The following PLXNB1 variants were observed in gnomAD, a reference collection of about 807,000 sequenced individuals.
PLXNB1 encodes plexin-B1.
A neutral mutation model predicts 209.4 loss-of-function variants in PLXNB1; 106 were observed. The ratio of observed to expected loss-of-function variants is 0.51; its 90% CI spans 0.43 to 0.59. The LOEUF (loss-of-function observed/expected upper bound fraction) is 0.59. Among genes scored for constraint, PLXNB1 ranks in the 20% least tolerant of loss-of-function variants. PLXNB1 has a pLI of 0.00. For missense variants in PLXNB1, 2,357 were observed against 2,853.2 expected (o/e 0.83, Z 3.96); for synonymous variants, 1,167 against 1,183.2 (o/e 0.99, Z 0.28).
chr3:48,424,103 C>T lies in PLXNB1; in HGVS notation c.509G>A (p.Arg170Gln). ...CCCCACACCCCTGCTGGTGTATCCTCGCCCCACAAACAGGAGGGGCTCCCC... is the reference window on the plus strand; with the variant it reads ...CCCCACACCCCTGCTGGTGTATCCTTGCCCCACAAACAGGAGGGGCTCCCC... Reference protein sequence around the residue: ...LAGEPLLFVGRGYTSRGVGGG... With the variant: ...LAGEPLLFVGQGYTSRGVGGG... The change falls in exon 3 of 38, where the codon CGA becomes CAA. Residue 170 changes from arginine to glutamine, a missense_variant. Coordinates refer to ENST00000296440, the MANE Select transcript of PLXNB1 (RefSeq NM_001130082.3). The T allele has an allele frequency of 3.9e-6, 6 of 1,557,866 alleles. No individual in the cohort carries two copies. Among genetic ancestry groups the T allele is most frequent in the East Asian group, 2.4e-5 (1 of 41,980 alleles).
rs202143727 is a variant in PLXNB1, at chr3:48,423,604, C to T, written c.1008G>A (p.Thr336=). The change falls in exon 3 of 38, where the codon ACG becomes ACA. Residue 336 remains threonine (T), a synonymous_variant. Transcript: ENST00000296440. ...CCTCCCGGGTGTAGCAGGCATCTCG[C>T]GTGCGATTAGCAAGCCGGTCCACCT... ...LDEVDRLANR[T]RDACYTREGR... is the part of the protein sequence containing the mutation. The T allele has an allele frequency of 1.1e-4, 172 of 1,614,224 alleles. No individual in the cohort carries two copies. The highest frequency in any genetic ancestry group is 1.4e-4 in the Non-Finnish European group (160 of 1,180,046).
intron 5 of PLXNB1, 46 bp downstream of exon 5, chr3:48,422,284 AG>A: frequency 6.2e-7 from 1 of 1,611,196 alleles, no homozygotes; most frequent in Non-Finnish European, 8.5e-7. Context: ...GGCCCCACCC[AG>A]AGGCCCCTCC....
intron 5 of PLXNB1, 48 bp from the exon 6 acceptor site, chr3:48,422,253 C>T: frequency 6.2e-7 from 1 of 1,610,896 alleles, no homozygotes; most frequent in Non-Finnish European, 8.5e-7. Flanking sequence ...ACACCAGTGG[C>T]TCACCCACAA....
In PLXNB1 at chr3:48,418,413, TACC is replaced by T; in HGVS notation, c.3049+33_3049+35del. 6.2e-7 allele frequency: 1 copy of T among 1,612,658 alleles called. No individual in the cohort carries two copies. ...AGAGGCAGGCCTGGGAGAGCCCTGC[TACC>T]ACCGCCAGCCCAGCAGCCCGCAGGT... is the stretch of plus-strand genomic sequence containing the variant. On this transcript the variant is annotated intron_variant, in intron 14 of 37. Transcript: ENST00000296440. The surrounding 1 kb of genome is among the most constrained non-coding windows in gnomAD (Gnocchi z 6.6).
Position 48,417,597 on chromosome 3 carries a change from C to T in PLXNB1, c.3374+314G>A, listed in dbSNP as rs1486722068. Among the ~76,000 whole-genome samples, 1 of 152,206 alleles carries T rather than the reference C, an allele frequency of 6.6e-6. No individual in the cohort carries two copies. Among genetic ancestry groups the T allele is most frequent in the Non-Finnish European group, 1.5e-5 (1 of 68,040 alleles). The stretch of plus-strand genomic sequence containing the variant: ...AGCTTATCTGTCTGATCTGAGGGTC[C>T]TGCTGCCACAGCTATTAATATATCC... On this transcript the variant is annotated intron_variant, in intron 16 of 37. Transcript: ENST00000296440. The surrounding 1 kb of genome is among the most constrained non-coding windows in gnomAD (Gnocchi z 4.4).
Position 48,412,475 on chromosome 3 carries a change from T to C in PLXNB1, c.5000A>G (p.Tyr1667Cys), listed in dbSNP as rs373843466. 32 of 1,613,540 alleles carry C rather than the reference T, an allele frequency of 2.0e-5. No individual in the cohort carries two copies. Among genetic ancestry groups the C allele is most frequent in the African/African-American group, 2.7e-5 (2 of 74,946 alleles). Residue 1667 changes from tyrosine to cysteine, a missense_variant, in exon 26 of 38, where the codon TAT becomes TGT. This residue lies in a region of PLXNB1 where 65 missense variants were observed against 127.6 expected (regional missense o/e 0.51). Transcript: ENST00000296440. Reference protein sequence around the residue: ...RTLLSDLVAQYVAKNPKLMLR... With the variant: ...RTLLSDLVAQCVAKNPKLMLR... Reference sequence around the variant, plus strand: ...CATCAGCTTGGGGTTCTTGGCCACATACTGGGCAACCAGGTCACTGAGCAG... The same window carrying C: ...CATCAGCTTGGGGTTCTTGGCCACACACTGGGCAACCAGGTCACTGAGCAG...
Position 48,404,172 on chromosome 3 carries a change from C to A in PLXNB1, c.*314G>T. 1 of 328,204 alleles carries A rather than the reference C, an allele frequency of 3.0e-6. No homozygotes were observed. The highest frequency in any genetic ancestry group is 5.6e-6 in the Non-Finnish European group (1 of 178,074). 20.3% of individuals were successfully genotyped at this position (328,204 alleles called of 1,614,324 possible). A position where few individuals can be genotyped will look rare whatever the true frequency, so the allele number is the denominator to read the frequency against. On this transcript the variant is annotated 3_prime_UTR_variant, in exon 38 of 38. Coordinates refer to ENST00000296440, the MANE Select transcript of PLXNB1 (RefSeq NM_001130082.3). ...CCAAGGCCAGTGTTCAGGAACAGTA[C>A]AGTCTCCCCAGGGGCCTGGAGTCTC...
At position 48,418,569 on chromosome 3, in the gene PLXNB1, T is replaced by C. The variant is rs373378939; in HGVS notation, c.2956-27A>G. The stretch of plus-strand genomic sequence containing the variant: ...TGGAGAAATGGGAGTGGGTTCAGAG[T>C]CAAGCACTGGGGGAAGTGTCAGGCC... On this transcript the variant is annotated intron_variant, in intron 13 of 37. Coordinates refer to ENST00000296440, the MANE Select transcript of PLXNB1 (RefSeq NM_001130082.3). The surrounding 1 kb of genome is among the most constrained non-coding windows in gnomAD (Gnocchi z 6.6). 4.4e-4 allele frequency: 680 copies of C among 1,548,596 alleles called. No homozygotes were observed. The highest frequency in any genetic ancestry group is 5.4e-4 in the Non-Finnish European group (616 of 1,140,254).
intron 1 of PLXNB1, among the ~76,000 whole-genome samples, chr3:48,425,766 G>A (rs2038854075): frequency 6.6e-6 from 1 of 151,720 alleles, no homozygotes; most frequent in African/African-American, 2.4e-5. Flanking sequence ...CGCACAGCAA[G>A]ATACATACAC....
chr3:48,415,037 T>C lies in PLXNB1; in HGVS notation c.3971A>G (p.Glu1324Gly). The C allele has an allele frequency of 6.2e-7, 1 of 1,612,262 alleles. No individual in the cohort carries two copies. The highest frequency in any genetic ancestry group is 8.5e-7 in the Non-Finnish European group (1 of 1,179,092). ...GGAGGAGTTGACATGGCACGGCTCCTCAAACTGGAAGGAAGACAGGCAGGT... is the reference window on the plus strand; with the variant it reads ...GGAGGAGTTGACATGGCACGGCTCCCCAAACTGGAAGGAAGACAGGCAGGT... ...LGPSCSSQQFEEPCHVNSSQL... is the reference protein window; with the variant it reads ...LGPSCSSQQFGEPCHVNSSQL... Residue 1324 changes from glutamate (E) to glycine (G), a missense_variant, in exon 21 of 38, where the codon GAG (glutamate) becomes GGG (glycine). Glu to Gly is a moderately conservative substitution (Grantham distance 98). Transcript: ENST00000296440. This position sits in a 1 kb window ranked among gnomAD's most constrained non-coding sequence, Gnocchi z 5.0.
In PLXNB1 at chr3:48,413,001, CA is replaced by C; in HGVS notation, c.4637-43del. On this transcript the variant is annotated intron_variant, in intron 24 of 37. Coordinates refer to ENST00000296440, the MANE Select transcript of PLXNB1 (RefSeq NM_001130082.3). The surrounding 1 kb of genome is among the most constrained non-coding windows in gnomAD (Gnocchi z 5.4). ...GCCAGGTTAAGCACCTGTTAAGCAC[CA>C]ATCCCGTGTGATGGGAGTGGGTTTG... 1 of 1,609,268 alleles carries C rather than the reference CA, an allele frequency of 6.2e-7. No individual in the cohort carries two copies. The highest frequency in any genetic ancestry group is 8.5e-7 in the Non-Finnish European group (1 of 1,175,598).
chr3:48,423,539 T>C lies in PLXNB1; in HGVS notation c.1073A>G (p.Tyr358Cys). 6.2e-7 allele frequency: 1 copy of C among 1,614,134 alleles called. No individual in the cohort carries two copies. Among genetic ancestry groups the C allele is most frequent in the Non-Finnish European group, 8.5e-7 (1 of 1,179,988 alleles). ...EDGTEVAYIEYDVNSDCAQLP... is the reference protein window; with the variant it reads ...EDGTEVAYIECDVNSDCAQLP... ...CTGTGCACAGTCAGAATTGACATCA[T>C]ACTCGATGTAGGCCACCTCGGTCCC... is the stretch of plus-strand genomic sequence containing the variant. The change falls in exon 3 of 38, where the codon TAT becomes TGT. Residue 358 changes from tyrosine to cysteine, a missense_variant. By Grantham distance (194) the Tyr-to-Cys change is radical (BLOSUM62 -2). This residue lies in a region of PLXNB1 where 404 missense variants were observed against 443.6 expected (regional missense o/e 0.91). Transcript: ENST00000296440.
At chr3:48,407,385 C>T (rs1412958156) in intron 34 of PLXNB1, among the ~76,000 whole-genome samples, 3 of 152,128 alleles carry the variant, frequency 2.0e-5, no homozygotes, top group Admixed American at 2.0e-4. Context: ...GAGCCCGGTA[C>T]GTAGGGCAGG....
In PLXNB1 at chr3:48,421,680, C is replaced by T. The variant is rs144121242; in HGVS notation, c.1647G>A (p.Thr549=). 6.4e-5 allele frequency: 102 copies of T among 1,600,422 alleles called. 1 individual carries two copies. In the African/African-American group the frequency reaches 1.2e-3, roughly 19 times the overall value. Residue 549 remains threonine (T), a synonymous_variant, in exon 7 of 38, where the codon ACG becomes ACA. Transcript: ENST00000296440. ...MSPANISREE[T]REVFLSVPDL... ...TGCCTATCTGATCATTCACCTCCCTCGTCTCCTCTCGGCTGATGTTGGCAG... is the reference window on the plus strand; with the variant it reads ...TGCCTATCTGATCATTCACCTCCCTTGTCTCCTCTCGGCTGATGTTGGCAG...
At position 48,422,400 on chromosome 3, in the gene PLXNB1, C is replaced by G. The variant is rs778344895; in HGVS notation, c.1350G>C (p.Gly450=). The G allele has an allele frequency of 5.0e-6, 8 of 1,605,470 alleles. No homozygotes were observed. The highest frequency in any genetic ancestry group is 1.3e-5 in the African/African-American group (1 of 74,830). ...AGGTGAGGTCTCTGCTCACTGCAGACCCCTGCTGGATGCTCTGTGTGGAGT... is the reference window on the plus strand; with the variant it reads ...AGGTGAGGTCTCTGCTCACTGCAGAGCCCTGCTGGATGCTCTGTGTGGAGT... The part of the protein sequence containing the change: ...HPYSTQSIQQ[G]SAVSRDLTFD... The change falls in exon 5 of 38, where the codon GGG becomes GGC. Residue 450 remains glycine (G), a synonymous_variant. Coordinates refer to ENST00000296440, the MANE Select transcript of PLXNB1 (RefSeq NM_001130082.3).
rs2037361846 is a variant in PLXNB1 at position 48,407,108 on chromosome 3, G to A, written c.6088-17C>T. 1 of 1,610,778 alleles carries A rather than the reference G, an allele frequency of 6.2e-7. No homozygotes were observed. The highest frequency in any genetic ancestry group is 8.5e-7 in the Non-Finnish European group (1 of 1,177,016). On this transcript the variant is annotated splice_polypyrimidine_tract_variant and intron_variant, in intron 34 of 37. Transcript: ENST00000296440. ...CGGGGAGTCCTGGACATAGCAGGAGGACAGCAAAAGAGGAAGGAAGGAAGG... is the reference window on the plus strand; with the variant it reads ...CGGGGAGTCCTGGACATAGCAGGAGAACAGCAAAAGAGGAAGGAAGGAAGG...
At chr3:48,408,221 G>C (rs2037432264) in intron 34 of PLXNB1, among the ~76,000 whole-genome samples, 1 of 151,992 alleles carries the variant, frequency 6.6e-6, no homozygotes, top group South Asian at 2.1e-4. Context: ...ATGTTGCCCA[G>C]GCTGGTCTCA....
In PLXNB1 at chr3:48,417,052, G is replaced by A. The variant is rs1035112986; in HGVS notation, c.3375-601C>T. Among the ~76,000 whole-genome samples, 3 of 152,290 alleles carry A rather than the reference G, an allele frequency of 2.0e-5. No individual in the cohort carries two copies. Among genetic ancestry groups the A allele is most frequent in the East Asian group, 3.9e-4 (2 of 5,190 alleles). On this transcript the variant is annotated intron_variant, in intron 16 of 37. Transcript: ENST00000296440. This position sits in a 1 kb window ranked among gnomAD's most constrained non-coding sequence, Gnocchi z 4.4. ...CAAACACTAGGAAGACACAAGTGAC[G>A]TGTGAGCCACCCAGGGGAGGCTCCA...
rs990076619 is a variant in PLXNB1, at chr3:48,416,056, C to G, written c.3592G>C (p.Val1198Leu). The change falls in exon 18 of 38, where the codon GTG becomes CTG. Residue 1198 changes from valine to leucine, a missense_variant. Around this residue, in one of 7 missense-constraint regions of PLXNB1, gnomAD observed 743 missense variants for 896.2 expected, o/e 0.83. Transcript: ENST00000296440. This position sits in a 1 kb window ranked among gnomAD's most constrained non-coding sequence, Gnocchi z 4.1. ...LTGRLEDIRV[V>L]VGDQPCHLLP... is the part of the protein sequence containing the mutation. ...AAGTGACAAGGCTGGTCTCCAACCA[C>G]CACTCGGATGTCCTCCAGCCGCCCA... is the stretch of plus-strand genomic sequence containing the variant. The G allele has an allele frequency of 1.2e-6, 2 of 1,602,662 alleles. No homozygotes were observed. The highest frequency in any genetic ancestry group is 3.4e-5 in the Admixed American group (2 of 58,672).
Sources: allele counts gnomAD v4.1 joint callset (sites outside exome capture counted in the v4.1 genomes callset), GRCh38; gene constraint gnomAD v4.1.1; regional missense constraint gnomAD v4.1.1; non-coding constraint Gnocchi (gnomAD v3.1); transcripts MANE v1.5; gene names NCBI Gene and HGNC (gene_info 2026-07-23, HGNC 2026-07-21).